The following HMGCLL1 variants were observed in gnomAD, a reference collection of about 807,000 sequenced individuals.
The protein encoded by HMGCLL1 is 3-hydroxymethyl-3-methylglutaryl-CoA lyase, cytoplasmic.
In HMGCLL1, 36 loss-of-function variants were observed where a neutral mutation model predicts 39.1. The observed-to-expected ratio is 0.92, with a 90% CI of 0.71 to 1.22. The LOEUF (loss-of-function observed/expected upper bound fraction) is 1.22. Among genes scored for constraint, HMGCLL1 ranks in the 50% most tolerant of loss-of-function variants. The pLI is 0.00. For missense variants in HMGCLL1, 451 were observed against 416.5 expected, an observed-to-expected ratio of 1.08 and a Z score of -0.72; for synonymous variants, 149 against 144.0, an observed-to-expected ratio of 1.03 and a Z score of -0.25.
At chr6:55,666,988 G>A in the HMGCLL1 span, among the ~76,000 whole-genome samples, 1 of 151,228 alleles carries the variant, frequency 6.6e-6, no homozygotes. Flanking sequence ...AAACAGACTA[G>A]GTTGTAAAAC....
the HMGCLL1 span, among the ~76,000 whole-genome samples, chr6:55,602,306 A>G: frequency 6.6e-6 from 1 of 152,076 alleles, no homozygotes; most frequent in African/African-American, 2.4e-5. Flanking sequence ...AATATCCAAA[A>G]CTATAAGGGA....
chr6:55,579,070 C>A lies in HMGCLL1; in HGVS notation c.-15G>T. On this transcript the variant is annotated 5_prime_UTR_variant, in exon 1 of 9. Coordinates refer to ENST00000274901, the MANE Select transcript of HMGCLL1 (RefSeq NM_001042406.2). ...ACATTCCCCATGGCGGAGCCTGGGG[C>A]GGCAGTCGGCGAGGGGAGGGAGACT... 6.3e-7 allele frequency: 1 copy of A among 1,579,636 alleles called. No homozygotes were observed. The highest frequency in any genetic ancestry group is 8.7e-7 in the Non-Finnish European group (1 of 1,154,436).
chr6:55,500,772 C>CA (rs1412167327), intron 5 of HMGCLL1, among the ~76,000 whole-genome samples: 1 of 151,850 alleles, frequency 6.6e-6, no homozygotes, highest in Non-Finnish European at 1.5e-5. Context: ...ATGAACATAA[C>CA]ACTGGAGAAG....
At position 55,543,320 on chromosome 6, in the gene HMGCLL1, A is replaced by T. The variant is rs1289848309; in HGVS notation, c.109-1180T>A. 1.6e-4 allele frequency among the ~76,000 whole-genome samples: 4 copies of T among 24,604 alleles called. No homozygotes were observed. The South Asian group carries it at 4.2e-3, about 26-fold the overall frequency. The allele number at this position is 24,604 out of a possible 152,430, so 16.1% of individuals were successfully genotyped here. A position where few individuals can be genotyped will look rare whatever the true frequency, so the allele number is the denominator to read the frequency against. Reference sequence around the variant, plus strand: ...TATCATATATGATATATAATATATAATATATATTATATATCATATATGATA... The same window carrying T: ...TATCATATATGATATATAATATATATTATATATTATATATCATATATGATA... On this transcript the variant is annotated intron_variant, in intron 1 of 8. Coordinates refer to ENST00000274901, the MANE Select transcript of HMGCLL1 (RefSeq NM_001042406.2).
chr6:55,616,554 G>T, the HMGCLL1 span, among the ~76,000 whole-genome samples: 2 of 152,192 alleles, frequency 1.3e-5, no homozygotes, highest in African/African-American at 4.8e-5. Context: ...TTGAAGTTGA[G>T]TTGTGATACG....
the HMGCLL1 span, among the ~76,000 whole-genome samples, chr6:55,597,895 T>C: frequency 8.5e-5 from 13 of 152,186 alleles, no homozygotes; most frequent in Non-Finnish European, 5.9e-5. Flanking sequence ...TATTTCACTT[T>C]AATAAGACAA....
intron 3 of HMGCLL1, among the ~76,000 whole-genome samples, chr6:55,526,549 C>T (rs1369258391): frequency 6.6e-6 from 1 of 151,978 alleles, no homozygotes; most frequent in Non-Finnish European, 1.5e-5. Context: ...TGACATTTAT[C>T]TCCCTTGGTT....
At chr6:55,587,904 C>T in the HMGCLL1 span, among the ~76,000 whole-genome samples, 5 of 152,108 alleles carry the variant, frequency 3.3e-5, no homozygotes, top group Non-Finnish European at 5.9e-5. Flanking sequence ...ATTCATAAAG[C>T]AAGTCATTAG....
At chr6:55,677,384 C>A in the HMGCLL1 span, among the ~76,000 whole-genome samples, 1 of 152,024 alleles carries the variant, frequency 6.6e-6, no homozygotes, top group African/African-American at 2.4e-5. Context: ...AGAAACAACC[C>A]CCCCGACACA....
At chr6:55,534,817 C>A (rs376899212) in intron 3 of HMGCLL1, among the ~76,000 whole-genome samples, 3 of 152,126 alleles carry the variant, frequency 2.0e-5, no homozygotes, top group East Asian at 3.8e-4. Context: ...TGCGGGTAAT[C>A]GAAGAACCAA....
intron 5 of HMGCLL1, among the ~76,000 whole-genome samples, chr6:55,505,560 C>T (rs1377171245): frequency 1.3e-5 from 2 of 151,566 alleles, no homozygotes; most frequent in African/African-American, 2.4e-5. Context: ...TTCATGGCAT[C>T]CAGGAGTAAT....
At chr6:55,667,895 A>C in the HMGCLL1 span, among the ~76,000 whole-genome samples, 5 of 151,594 alleles carry the variant, frequency 3.3e-5, no homozygotes, top group Admixed American at 6.6e-5. Flanking sequence ...TAAATGCAAC[A>C]GACTTTTTTT....
At chr6:55,552,527 A>G (rs552984649) in intron 1 of HMGCLL1, among the ~76,000 whole-genome samples, 1 of 152,182 alleles carries the variant, frequency 6.6e-6, no homozygotes, top group South Asian at 2.1e-4. Context: ...ACTCATCTAT[A>G]AAAAATGGAG....
the HMGCLL1 span, among the ~76,000 whole-genome samples, chr6:55,635,329 C>T: frequency 6.6e-6 from 1 of 152,102 alleles, no homozygotes; most frequent in African/African-American, 2.4e-5. Flanking sequence ...TCCATCGGGT[C>T]AAGCCCTAAC....
intron 7 of HMGCLL1, 119 bp from the exon 8 acceptor site, chr6:55,439,678 A>G: frequency 9.2e-7 from 1 of 1,086,938 alleles, no homozygotes; most frequent in South Asian, 1.6e-5. Flanking sequence ...ATTCAAATAT[A>G]TTCACTTACC....
chr6:55,458,273 AG>A (rs1413014226), intron 7 of HMGCLL1, among the ~76,000 whole-genome samples: 2 of 152,308 alleles, frequency 1.3e-5, no homozygotes, highest in East Asian at 3.9e-4. Flanking sequence ...CGTATACAGT[AG>A]TAGAAAATAA....
the HMGCLL1 span, among the ~76,000 whole-genome samples, chr6:55,590,024 A>G: frequency 4.8e-4 from 73 of 152,204 alleles, 1 homozygote; most frequent in Admixed American, 3.9e-3. Context: ...GCTACCAATG[A>G]CTTTCTTCAC....
the HMGCLL1 span, among the ~76,000 whole-genome samples, chr6:55,644,881 G>T: frequency 6.6e-6 from 1 of 151,710 alleles, no homozygotes; most frequent in Non-Finnish European, 1.5e-5. Flanking sequence ...GGCTATTCTG[G>T]GTCTCCTGTG....
chr6:55,480,091 A>G (rs375429444), intron 7 of HMGCLL1, among the ~76,000 whole-genome samples: 1 of 151,666 alleles, frequency 6.6e-6, no homozygotes, highest in African/African-American at 2.4e-5. Flanking sequence ...AATACCCTAC[A>G]GAGCAAAAGT....
Sources: allele counts gnomAD v4.1 joint callset (sites outside exome capture counted in the v4.1 genomes callset), GRCh38; gene constraint gnomAD v4.1.1; transcripts MANE v1.5; gene names NCBI Gene and HGNC (gene_info 2026-07-23, HGNC 2026-07-21).